Variants in FBXW11 observed in about 807,000 individuals in gnomAD.
FBXW11 encodes F-box/WD repeat-containing protein 11.
Under a neutral mutation model 77.6 loss-of-function variants are expected in FBXW11, and 19 were observed. That is an observed-to-expected ratio of 0.24 (90% CI 0.17 to 0.36). FBXW11 has a LOEUF of 0.36. Ranked by LOEUF, FBXW11 falls within the 10% of genes least tolerant of loss-of-function variation. FBXW11 has a pLI of 1.00. For synonymous variants in FBXW11, 235 were observed against 249.4 expected (o/e 0.94, Z 0.54); for missense variants, 334 against 704.2 (o/e 0.47, Z 5.95).
At chr5:171,866,886 A>G (rs771775705) in intron 13 of FBXW11, among the ~76,000 whole-genome samples, 6 of 152,234 alleles carry the variant, frequency 3.9e-5, no homozygotes, top group Admixed American at 6.5e-5. Flanking sequence ...CTTATGAAGC[A>G]TCTATCCAGA....
chr5:171,900,262 T>C (rs1006244568), intron 4 of FBXW11, among the ~76,000 whole-genome samples, 162 bp from the exon 5 acceptor site: 9 of 152,230 alleles, frequency 5.9e-5, no homozygotes, highest in African/African-American at 1.7e-4. Flanking sequence ...TACATAAACA[T>C]ATACACTTCT....
At chr5:171,919,640 T>C (rs901956428) in intron 2 of FBXW11, among the ~76,000 whole-genome samples, 1 of 152,204 alleles carries the variant, frequency 6.6e-6, no homozygotes, top group Non-Finnish European at 1.5e-5. Flanking sequence ...CCTTTAATGA[T>C]GACCTTGTAT....
intron 7 of FBXW11, among the ~76,000 whole-genome samples, chr5:171,887,643 C>T (rs1027823982): frequency 2.0e-5 from 3 of 151,488 alleles, no homozygotes; most frequent in Non-Finnish European, 2.9e-5. Context: ...CATTATTTTT[C>T]TTTGTTGTTT....
At chr5:171,994,874 C>A (rs1046662387) in intron 1 of FBXW11, among the ~76,000 whole-genome samples, 2 of 152,116 alleles carry the variant, frequency 1.3e-5, no homozygotes, top group Admixed American at 1.3e-4. Context: ...CCCATCCCTA[C>A]TAAAAATACA....
At chr5:171,933,490 C>A (rs912142940) in intron 2 of FBXW11, among the ~76,000 whole-genome samples, 1 of 152,134 alleles carries the variant, frequency 6.6e-6, no homozygotes, top group African/African-American at 2.4e-5. Flanking sequence ...CTAATATAAG[C>A]TATGGACTTC....
At chr5:171,878,778 G>A (rs1008674875) in intron 7 of FBXW11, among the ~76,000 whole-genome samples, 4 of 151,932 alleles carry the variant, frequency 2.6e-5, no homozygotes, top group Admixed American at 1.3e-4. Context: ...AACAAAGCAG[G>A]ACTCTGCTTT....
chr5:171,984,033 A>G (rs1240862343), intron 1 of FBXW11, among the ~76,000 whole-genome samples: 1 of 152,192 alleles, frequency 6.6e-6, no homozygotes, highest in African/African-American at 2.4e-5. Context: ...TTTTACAGAC[A>G]TAATAATAAT....
intron 6 of FBXW11, among the ~76,000 whole-genome samples, chr5:171,898,054 A>C (rs985869808): frequency 6.6e-6 from 1 of 152,210 alleles, no homozygotes; most frequent in Non-Finnish European, 1.5e-5. Context: ...AGAATATTCA[A>C]GACAGTTTGG....
chr5:171,951,683 G>A (rs962090604), intron 2 of FBXW11, among the ~76,000 whole-genome samples: 2 of 152,152 alleles, frequency 1.3e-5, no homozygotes, highest in Admixed American at 6.5e-5. Flanking sequence ...TAGAGACGGG[G>A]TTTCACCATG....
At chr5:171,929,745 G>A (rs958244654) in intron 2 of FBXW11, among the ~76,000 whole-genome samples, 6 of 151,990 alleles carry the variant, frequency 3.9e-5, no homozygotes, top group Non-Finnish European at 8.8e-5. Context: ...CCAGCTACTC[G>A]GGAGGCTGAG....
Position 171,991,656 on chromosome 5 carries a change from T to C in FBXW11, c.45+14802A>G, listed in dbSNP as rs144530025. Among the ~76,000 whole-genome samples, 1,505 of 152,334 alleles carry C rather than the reference T, an allele frequency of 9.9e-3. 9 individuals carry two copies. The highest frequency in any genetic ancestry group is 0.017 in the Non-Finnish European group (1,129 of 68,040). On this transcript the variant is annotated intron_variant, in intron 1 of 13. Transcript: ENST00000517395. ...TGTTTCTCTTATTTTTGTCACCAGA[T>C]GCATAAAATTTGAGTTTGCATAAAT...
chr5:171,999,515 A>C (rs1326669321), intron 1 of FBXW11, among the ~76,000 whole-genome samples: 1 of 152,126 alleles, frequency 6.6e-6, no homozygotes, highest in African/African-American at 2.4e-5. Context: ...AGATTAACAG[A>C]TGCCAGGTGA....
At chr5:171,924,613 T>C (rs1489823669) in intron 2 of FBXW11, among the ~76,000 whole-genome samples, 3 of 152,160 alleles carry the variant, frequency 2.0e-5, no homozygotes, top group Non-Finnish European at 4.4e-5. Flanking sequence ...TAAAACGCTG[T>C]AATACTGTAG....
chr5:171,980,793 T>C (rs2113488466), intron 1 of FBXW11, among the ~76,000 whole-genome samples: 1 of 152,330 alleles, frequency 6.6e-6, no homozygotes. Flanking sequence ...ATATACATCT[T>C]GTGACATAAG....
Position 171,870,945 on chromosome 5 carries a change from T to C in FBXW11, c.1341-87A>G, listed in dbSNP as rs1002036586. 9.2e-6 allele frequency: 8 copies of C among 871,598 alleles called. No individual in the cohort carries two copies. The African/African-American group carries it at 1.2e-4, about 13-fold the overall frequency. The allele number at this position is 871,598 out of a possible 1,614,324, so 54.0% of individuals were successfully genotyped here. ...GTTTTTTATATCTGTTCCATACAGATACAATTTTTCACTATCTTGGAGCTC... is the reference window on the plus strand; with the variant it reads ...GTTTTTTATATCTGTTCCATACAGACACAATTTTTCACTATCTTGGAGCTC... On this transcript the variant is annotated intron_variant, in intron 10 of 13. Coordinates refer to ENST00000517395, the MANE Select transcript of FBXW11 (RefSeq NM_001378974.1).
At chr5:171,934,797 CA>C (rs1762386735) in intron 2 of FBXW11, among the ~76,000 whole-genome samples, 1 of 151,160 alleles carries the variant, frequency 6.6e-6, no homozygotes, top group Non-Finnish European at 1.5e-5. Context: ...AAGTAGTTAA[CA>C]TGGAAAACAA....
At chr5:171,956,701 A>C (rs1338115370) in intron 2 of FBXW11, among the ~76,000 whole-genome samples, 5 of 152,238 alleles carry the variant, frequency 3.3e-5, no homozygotes, top group East Asian at 1.9e-4. Flanking sequence ...CTAATTTTGC[A>C]GTTTTCCTCA....
At chr5:171,995,608 G>C (rs1233264967) in intron 1 of FBXW11, among the ~76,000 whole-genome samples, 1 of 152,018 alleles carries the variant, frequency 6.6e-6, no homozygotes, top group Non-Finnish European at 1.5e-5. Context: ...AAAAAAATTA[G>C]CTGGGCGTGG....
At chr5:171,958,670 G>A (rs10516092) in intron 1 of FBXW11, among the ~76,000 whole-genome samples, 113,901 of 152,156 alleles carry the variant, frequency 0.75, 45,599 homozygotes, top group East Asian at 0.95. Context: ...TATGTACTAC[G>A]GCTACTACTT....
Sources: allele counts gnomAD v4.1 joint callset (sites outside exome capture counted in the v4.1 genomes callset), GRCh38; gene constraint gnomAD v4.1.1; transcripts MANE v1.5; gene names NCBI Gene and HGNC (gene_info 2026-07-23, HGNC 2026-07-21).